The following RBFOX1 variants were observed in gnomAD, a reference collection of about 807,000 sequenced individuals.
The protein encoded by RBFOX1 is RNA binding fox-1 homolog 1.
In RBFOX1, 8 loss-of-function variants were observed where a neutral mutation model predicts 57.7. The observed-to-expected ratio is 0.14, with a 90% confidence interval of 0.08 to 0.25. RBFOX1 has a LOEUF of 0.25. Ranked by LOEUF, RBFOX1 falls within the 10% of genes least tolerant of loss-of-function variation. RBFOX1 has a pLI of 1.00. For synonymous variants in RBFOX1, 326 were observed against 222.4 expected (o/e 1.47, Z -4.15); for missense variants, 611 against 548.5 (o/e 1.11, Z -1.14).
intron 4 of RBFOX1, among the ~76,000 whole-genome samples, chr16:7,271,600 A>G (rs1175933632): frequency 1.3e-5 from 2 of 152,152 alleles, no homozygotes; most frequent in African/African-American, 4.8e-5. Context: ...TATGCAAGCA[A>G]CTTAATACTA....
At chr16:7,597,116 C>T (rs375483342) in intron 8 of RBFOX1, 21 of 298,748 alleles carry the variant, frequency 7.0e-5, no homozygotes, top group African/African-American at 1.3e-4. Context: ...TTTGCTTTTA[C>T]TGTCCCTTTA....
chr16:6,390,879 A>G (rs2092566326), intron 2 of RBFOX1, among the ~76,000 whole-genome samples: 2 of 152,070 alleles, frequency 1.3e-5, no homozygotes, highest in Admixed American at 1.3e-4. Context: ...GATGATAGGG[A>G]AGGCAGCATG....
Position 7,655,796 on chromosome 16 carries a change from C to A in RBFOX1, c.890+1849C>A, listed in dbSNP as rs2066162474. On this transcript the variant is annotated intron_variant, in intron 12 of 15. Transcript: ENST00000550418. ...AGTATCTCACTACTATATTGAAGAG[C>A]AAAAGAAACAATAGAGGAAAATTAT... Among the ~76,000 whole-genome samples, 5 of 152,198 alleles carry A rather than the reference C, an allele frequency of 3.3e-5. No homozygotes were observed. The South Asian group carries it at 1.0e-3, about 32-fold the overall frequency.
chr16:5,485,750 G>A (rs536066868), intron 2 of RBFOX1, among the ~76,000 whole-genome samples: 3 of 152,270 alleles, frequency 2.0e-5, no homozygotes, highest in Admixed American at 6.5e-5. Context: ...CTTAAACACC[G>A]TCCAGAACTT....
In RBFOX1 at chr16:7,704,934, C is replaced by T. The variant is rs188689784; in HGVS notation, c.996-4122C>T. 7.8e-3 allele frequency among the ~76,000 whole-genome samples: 1,180 copies of T among 151,894 alleles called. 37 individuals are homozygous for T. The highest frequency in any genetic ancestry group is 0.046 in the East Asian group (234 of 5,138). On this transcript the variant is annotated intron_variant, in intron 14 of 15. Transcript: ENST00000550418. Reference sequence around the variant, plus strand: ...TGGTGATGGGCGCCTGTAATCCCAGCAACTGGGGAGGCTGAGGCAGAATCG... The same window carrying T: ...TGGTGATGGGCGCCTGTAATCCCAGTAACTGGGGAGGCTGAGGCAGAATCG...
rs189350854 is a variant in RBFOX1 at position 7,227,785 on chromosome 16, A to G, written c.27+175687A>G. ...ATCTCTCCCTTCCTGTGGCAGACAC[A>G]GGAAACTCCTACCTCATCACGGCAG... On this transcript the variant is annotated intron_variant, in intron 4 of 15. Coordinates refer to ENST00000550418, the MANE Select transcript of RBFOX1 (RefSeq NM_018723.4). 8.9e-3 allele frequency among the ~76,000 whole-genome samples: 1,362 copies of G among 152,306 alleles called. 9 individuals carry two copies. The highest frequency in any genetic ancestry group is 0.013 in the Non-Finnish European group (910 of 68,020).
intron 1 of RBFOX1, among the ~76,000 whole-genome samples, chr16:6,307,325 G>T (rs141446075): frequency 6.6e-6 from 1 of 152,216 alleles, no homozygotes; most frequent in African/African-American, 2.4e-5. Context: ...GGAGCTTGCA[G>T]TGAGCCAAGA....
chr16:6,197,333 A>G (rs1170250852), intron 1 of RBFOX1, among the ~76,000 whole-genome samples: 1 of 151,854 alleles, frequency 6.6e-6, no homozygotes, highest in African/African-American at 2.4e-5. Flanking sequence ...TGACCCCTGG[A>G]CACCCTTCAT....
intron 4 of RBFOX1, among the ~76,000 whole-genome samples, chr16:7,315,091 C>CGA (rs575745683): frequency 3.7e-5 from 1 of 27,020 alleles, no homozygotes; most frequent in African/African-American, 1.0e-4. Flanking sequence ...GAGAAAAGCT[C>CGA]TTTTTTTTTT....
intron 3 of RBFOX1, among the ~76,000 whole-genome samples, chr16:6,987,401 A>G (rs1174980047): frequency 6.6e-6 from 1 of 150,666 alleles, no homozygotes; most frequent in Non-Finnish European, 1.5e-5. Flanking sequence ...TTCCAGGCCC[A>G]GGTTATCTCC....
In RBFOX1 at chr16:6,749,428, G is replaced by A. The variant is rs149263175; in HGVS notation, c.-16+94778G>A. Among the ~76,000 whole-genome samples the A allele has an allele frequency of 5.4e-3, 821 of 152,222 alleles. 4 individuals are homozygous for A. The highest frequency in any genetic ancestry group is 0.018 in the African/African-American group (729 of 41,538). ...GATGGACCCTGGTTCTTGCTGTTAC[G>A]GTCACTCAGGCAATTTATACTCATA... is the stretch of plus-strand genomic sequence containing the variant. On this transcript the variant is annotated intron_variant, in intron 3 of 15. Coordinates refer to ENST00000550418, the MANE Select transcript of RBFOX1 (RefSeq NM_018723.4).
At chr16:6,209,813 T>A (rs537009162) in intron 1 of RBFOX1, among the ~76,000 whole-genome samples, 1 of 152,244 alleles carries the variant, frequency 6.6e-6, no homozygotes, top group East Asian at 1.9e-4. Flanking sequence ...TAGCTGCTTG[T>A]CCTACAGTGA....
intron 10 of RBFOX1, among the ~76,000 whole-genome samples, chr16:7,618,349 G>C (rs1042582707): frequency 3.9e-5 from 6 of 152,088 alleles, no homozygotes; most frequent in Non-Finnish European, 5.9e-5. Context: ...TAATATGTGC[G>C]TGAAGCCCTG....
chr16:6,690,439 T>A (rs2154131982), intron 3 of RBFOX1, among the ~76,000 whole-genome samples: 1 of 152,272 alleles, frequency 6.6e-6, no homozygotes, highest in East Asian at 1.9e-4. Flanking sequence ...CTATTTGAAA[T>A]GCAAAATGAT....
At chr16:6,996,578 G>A (rs538213193) in intron 3 of RBFOX1, among the ~76,000 whole-genome samples, 1 of 152,130 alleles carries the variant, frequency 6.6e-6, no homozygotes, top group Non-Finnish European at 1.5e-5. Flanking sequence ...TCATTTACTA[G>A]CCCAACGACT....
intron 4 of RBFOX1, among the ~76,000 whole-genome samples, chr16:7,500,898 C>G (rs1004160870): frequency 3.3e-5 from 5 of 152,152 alleles, no homozygotes. Flanking sequence ...TACCTCCATG[C>G]TGTTCTTGTA....
chr16:6,156,550 A>C (rs1421133078), intron 1 of RBFOX1, among the ~76,000 whole-genome samples: 1 of 152,164 alleles, frequency 6.6e-6, no homozygotes, highest in Non-Finnish European at 1.5e-5. Context: ...CTTTTGGCAA[A>C]GTTGTGTGGG....
intron 4 of RBFOX1, among the ~76,000 whole-genome samples, chr16:6,000,661 A>G (rs1245958215): frequency 1.3e-5 from 2 of 151,858 alleles, no homozygotes; most frequent in Non-Finnish European, 2.9e-5. Context: ...GGGTAGGTGG[A>G]TGGGTAGATG....
intron 4 of RBFOX1, among the ~76,000 whole-genome samples, chr16:7,399,075 G>A (rs1484104542): frequency 6.6e-6 from 1 of 152,166 alleles, no homozygotes; most frequent in East Asian, 1.9e-4. Flanking sequence ...TCAAACCTCA[G>A]CATCACGTAA....
Sources: allele counts gnomAD v4.1 joint callset (sites outside exome capture counted in the v4.1 genomes callset), GRCh38; gene constraint gnomAD v4.1.1; transcripts MANE v1.5; gene names NCBI Gene and HGNC (gene_info 2026-07-23, HGNC 2026-07-21).